The following TRIP12 variants were observed in gnomAD, a reference collection of about 807,000 sequenced individuals.
TRIP12 encodes thyroid hormone receptor interactor 12, also known as E3 ubiquitin-protein ligase TRIP12.
In TRIP12, 25 loss-of-function variants were observed where a neutral mutation model predicts 244.2. The observed-to-expected ratio is 0.10, with a 90% CI of 0.07 to 0.14. The LOEUF (loss-of-function observed/expected upper bound fraction) is 0.14. TRIP12 is among the 10% of genes least tolerant of loss of function. The pLI, the probability that TRIP12 is intolerant of heterozygous loss-of-function variation, is 1.00. For synonymous variants in TRIP12, 905 were observed against 873.1 expected (o/e 1.04, Z -0.64); for missense variants, 1,677 against 2,486.4 (o/e 0.67, Z 6.92).
chr2:229,779,484 G>A (rs2037384307), intron 34 of TRIP12, among the ~76,000 whole-genome samples: 1 of 152,138 alleles, frequency 6.6e-6, no homozygotes, highest in Non-Finnish European at 1.5e-5. Context: ...TTCAGTATAT[G>A]CTTGCATATT....
intron 34 of TRIP12, among the ~76,000 whole-genome samples, chr2:229,782,725 C>T (rs1386420321): frequency 2.6e-5 from 4 of 152,158 alleles, no homozygotes; most frequent in South Asian, 2.1e-4. Flanking sequence ...ATTAAAATTA[C>T]TTAAATAGGC....
chr2:229,846,014 CAAAAA>C (rs34840494), intron 4 of TRIP12, among the ~76,000 whole-genome samples: 4 of 117,560 alleles, frequency 3.4e-5, no homozygotes, highest in African/African-American at 1.0e-4. Flanking sequence ...CTCTTTTTTT[CAAAAA>C]AAAAAAAAAA....
At chr2:229,809,537 A>G (rs916031729) in intron 15 of TRIP12, among the ~76,000 whole-genome samples, 2 of 152,246 alleles carry the variant, frequency 1.3e-5, no homozygotes, top group African/African-American at 4.8e-5. Context: ...GTGCTGTAAC[A>G]AAACATACAT....
At chr2:229,919,481 T>C (rs1485018931) in intron 1 of TRIP12, among the ~76,000 whole-genome samples, 1 of 152,168 alleles carries the variant, frequency 6.6e-6, no homozygotes, top group Admixed American at 6.6e-5. Context: ...CAAATTTACT[T>C]TGCCAGGTGA....
intron 1 of TRIP12, among the ~76,000 whole-genome samples, chr2:229,903,892 A>G (rs2154371877): frequency 6.6e-6 from 1 of 150,728 alleles, no homozygotes; most frequent in East Asian, 1.9e-4. Flanking sequence ...AAAATTAGCC[A>G]GGCATCGTGA....
intron 4 of TRIP12, among the ~76,000 whole-genome samples, chr2:229,843,464 T>C (rs1055924672): frequency 6.6e-6 from 1 of 152,228 alleles, no homozygotes; most frequent in African/African-American, 2.4e-5. Flanking sequence ...TGGTGGCTCA[T>C]GCCTGTAATC....
chr2:229,809,627 A>G (rs889616135), intron 15 of TRIP12, among the ~76,000 whole-genome samples: 2 of 152,218 alleles, frequency 1.3e-5, no homozygotes, highest in Admixed American at 1.3e-4. Flanking sequence ...AGACTTTAGT[A>G]AGTAAAATGA....
chr2:229,826,916 A>G (rs1189876755), intron 8 of TRIP12, among the ~76,000 whole-genome samples: 1 of 152,154 alleles, frequency 6.6e-6, no homozygotes, highest in Non-Finnish European at 1.5e-5. Flanking sequence ...GAAAGCCTAG[A>G]CTATATATTA....
Position 229,865,871 on chromosome 2 carries a change from C to T in TRIP12, c.99-5340G>A, listed in dbSNP as rs530965361. Among the ~76,000 whole-genome samples the T allele has an allele frequency of 2.6e-4, 40 of 152,278 alleles. No homozygotes were observed. In the South Asian group the frequency reaches 4.4e-3, roughly 17 times the overall value. ...TATTACAAAAAGAAGCTTGATTCAT[C>T]TGATCAATGTTCCTATCTTTAGTTA... On this transcript the variant is annotated intron_variant, in intron 2 of 41. Coordinates refer to ENST00000675903, the MANE Select transcript of TRIP12 (RefSeq NM_001348323.3).
At chr2:229,908,413 T>A (rs2154375243) in intron 1 of TRIP12, among the ~76,000 whole-genome samples, 1 of 151,506 alleles carries the variant, frequency 6.6e-6, no homozygotes, top group East Asian at 1.9e-4. Flanking sequence ...CAGTTGGTCA[T>A]CTTATGAAGC....
intron 37 of TRIP12, among the ~76,000 whole-genome samples, chr2:229,775,159 A>G (rs926830291): frequency 2.6e-5 from 4 of 152,210 alleles, no homozygotes; most frequent in Admixed American, 2.6e-4. Context: ...TGATTAATTA[A>G]TTAGTCATTT....
At chr2:229,891,639 A>G (rs930156410) in intron 1 of TRIP12, among the ~76,000 whole-genome samples, 1 of 152,196 alleles carries the variant, frequency 6.6e-6, no homozygotes, top group Non-Finnish European at 1.5e-5. Flanking sequence ...AGAAATTAAA[A>G]AGGAAAAAAA....
intron 9 of TRIP12, among the ~76,000 whole-genome samples, chr2:229,817,208 A>G (rs1372562591): frequency 6.6e-6 from 1 of 152,246 alleles, no homozygotes; most frequent in East Asian, 1.9e-4. Context: ...TATGATGTAT[A>G]AATCATAACT....
chr2:229,787,777 A>C, intron 32 of TRIP12, 116 bp from the exon 33 acceptor site: 1 of 976,388 alleles, frequency 1.0e-6, no homozygotes, highest in Non-Finnish European at 1.5e-6. Flanking sequence ...ATTGTAAATA[A>C]AATCAGTAAA....
At chr2:229,842,968 T>C (rs1443830626) in intron 4 of TRIP12, among the ~76,000 whole-genome samples, 1 of 152,138 alleles carries the variant, frequency 6.6e-6, no homozygotes, top group East Asian at 1.9e-4. Flanking sequence ...ATAACCAGCA[T>C]CACCATTAAG....
chr2:229,811,323 G>A (rs1025936464), intron 13 of TRIP12, 119 bp from the exon 14 acceptor site: 10 of 1,033,252 alleles, frequency 9.7e-6, no homozygotes, highest in Non-Finnish European at 1.4e-5. Context: ...ATTAGTAAAT[G>A]ACAGCTTTGA....
At chr2:229,779,468 C>A (rs1368881080) in intron 34 of TRIP12, among the ~76,000 whole-genome samples, 1 of 152,138 alleles carries the variant, frequency 6.6e-6, no homozygotes, top group Non-Finnish European at 1.5e-5. Context: ...ATGACTTTAC[C>A]ACAATTTCAG....
Position 229,826,378 on chromosome 2 carries a change from C to G in TRIP12, c.1450+2815G>C, listed in dbSNP as rs74812974. Among the ~76,000 whole-genome samples, 1,346 of 152,176 alleles carry G rather than the reference C, an allele frequency of 8.8e-3. 16 individuals are homozygous for G. The highest frequency in any genetic ancestry group is 0.031 in the African/African-American group (1,269 of 41,498). On this transcript the variant is annotated intron_variant, in intron 8 of 41. Transcript: ENST00000675903. ...AATCTGAAGAGGTCTCTAGATCCAA[C>G]AACCAGTTTGCAAGAAATAAATTAT... is the stretch of plus-strand genomic sequence containing the variant.
At chr2:229,884,641 A>T (rs1293423454) in intron 1 of TRIP12, among the ~76,000 whole-genome samples, 1 of 152,160 alleles carries the variant, frequency 6.6e-6, no homozygotes, top group African/African-American at 2.4e-5. Context: ...TTCCTCTGGT[A>T]CAGAACTTTC....
Sources: gnomAD v4.1 joint callset for allele counts (sites outside exome capture counted in the v4.1 genomes callset) on GRCh38, gnomAD v4.1.1 for gene constraint, MANE v1.5 for transcripts, NCBI Gene and HGNC (gene_info 2026-07-23, HGNC 2026-07-21) for gene names.